Variants in GRIN2A observed in about 807,000 individuals in gnomAD.
GRIN2A encodes the protein glutamate receptor ionotropic, NMDA 2A.
In GRIN2A, 22 loss-of-function variants were observed where a neutral mutation model predicts 113.4. That is an observed-to-expected ratio of 0.19 (90% CI 0.14 to 0.28). The LOEUF (loss-of-function observed/expected upper bound fraction) is 0.28, where lower values mean the gene tolerates loss of function less well. Ranked by LOEUF, GRIN2A falls within the 10% of genes least tolerant of loss-of-function variation. The pLI is 1.00. For missense variants in GRIN2A, 1,502 were observed against 1,887.0 expected, an observed-to-expected ratio of 0.80 and a Z score of 3.78; for synonymous variants, 827 against 738.4, an observed-to-expected ratio of 1.12 and a Z score of -1.94.
At chr16:9,909,957 C>G (rs866795930) in intron 3 of GRIN2A, among the ~76,000 whole-genome samples, 11 of 152,328 alleles carry the variant, frequency 7.2e-5, no homozygotes, top group Middle Eastern at 3.4e-3. Context: ...TAAACGGAAT[C>G]ATACACTATG....
intron 3 of GRIN2A, among the ~76,000 whole-genome samples, chr16:9,921,386 C>G (rs1259830794): frequency 6.6e-6 from 1 of 152,138 alleles, no homozygotes; most frequent in African/African-American, 2.4e-5. Flanking sequence ...ACAACTGACC[C>G]CTTTTCTTTC....
At chr16:10,078,965 T>C (rs13330710) in intron 2 of GRIN2A, among the ~76,000 whole-genome samples, 2,279 of 152,326 alleles carry the variant, frequency 0.015, 70 homozygotes, top group African/African-American at 0.052. Context: ...GCCATGATCA[T>C]GACAGTGACA....
chr16:10,044,018 T>G (rs1453035551), intron 2 of GRIN2A, among the ~76,000 whole-genome samples: 4 of 121,410 alleles, frequency 3.3e-5, no homozygotes, highest in African/African-American at 1.3e-4. Context: ...TATATATATA[T>G]ATATAGAGAG....
intron 2 of GRIN2A, among the ~76,000 whole-genome samples, chr16:9,942,286 C>T (rs2044899745): frequency 6.6e-6 from 1 of 152,118 alleles, no homozygotes; most frequent in East Asian, 1.9e-4. Flanking sequence ...CCTAGCCTAC[C>T]CATCTATGTG....
intron 2 of GRIN2A, among the ~76,000 whole-genome samples, chr16:9,991,493 C>T (rs2046111666): frequency 6.6e-6 from 1 of 152,168 alleles, no homozygotes; most frequent in African/African-American, 2.4e-5. Context: ...TTTAGTGTAG[C>T]TGTCACTCAA....
intron 2 of GRIN2A, among the ~76,000 whole-genome samples, chr16:10,075,119 A>T (rs1048518084): frequency 6.6e-6 from 1 of 152,096 alleles, no homozygotes; most frequent in Non-Finnish European, 1.5e-5. Context: ...GGGACTTTGC[A>T]TGGGTCCTCT....
intron 2 of GRIN2A, among the ~76,000 whole-genome samples, chr16:9,966,571 C>G (rs570791778): frequency 1.3e-5 from 2 of 152,134 alleles, no homozygotes; most frequent in Non-Finnish European, 2.9e-5. Flanking sequence ...TGTGAACAGT[C>G]CTGCAAGAAC....
intron 2 of GRIN2A, among the ~76,000 whole-genome samples, chr16:10,008,493 A>G (rs1471659571): frequency 1.3e-5 from 2 of 152,178 alleles, no homozygotes; most frequent in Non-Finnish European, 2.9e-5. Flanking sequence ...CAACAATAAC[A>G]ATCAAAGGAC....
chr16:9,954,893 T>C (rs2141683828), intron 2 of GRIN2A, among the ~76,000 whole-genome samples: 1 of 152,264 alleles, frequency 6.6e-6, no homozygotes, highest in East Asian at 1.9e-4. Context: ...GTCCTTTATG[T>C]TCATTATGTT....
intron 2 of GRIN2A, among the ~76,000 whole-genome samples, chr16:10,046,117 G>A (rs2047253073): frequency 6.6e-6 from 1 of 152,154 alleles, no homozygotes; most frequent in African/African-American, 2.4e-5. Context: ...GCCTTAGCCA[G>A]TGATGGTTTT....
At chr16:10,017,438 C>T (rs2046632159) in intron 2 of GRIN2A, among the ~76,000 whole-genome samples, 1 of 152,070 alleles carries the variant, frequency 6.6e-6, no homozygotes, top group African/African-American at 2.4e-5. Flanking sequence ...TTACAGTAGA[C>T]TGAGTGCATG....
At chr16:9,901,133 T>C (rs9925170) in intron 3 of GRIN2A, among the ~76,000 whole-genome samples, 48,737 of 152,170 alleles carry the variant, frequency 0.32, 9,721 homozygotes, top group African/African-American at 0.57. Context: ...TTTTTCCTTC[T>C]GCTGCTTTTT....
In GRIN2A at chr16:9,784,043, G is replaced by A. The variant is rs190989482; in HGVS notation, c.2356+14234C>T. ...GTACTGGGCTTAATACCTGGGTGAT[G>A]AAATAATCTGTACAACAAACCCCCA... On this transcript the variant is annotated intron_variant, in intron 11 of 12. Coordinates refer to ENST00000330684, the MANE Select transcript of GRIN2A (RefSeq NM_001134407.3). Among the ~76,000 whole-genome samples, 344 of 152,248 alleles carry A rather than the reference G, an allele frequency of 2.3e-3. 3 individuals carry two copies. The highest frequency in any genetic ancestry group is 7.6e-3 in the African/African-American group (317 of 41,532).
chr16:9,791,387 TG>T (rs1902596056), intron 11 of GRIN2A, among the ~76,000 whole-genome samples: 1 of 152,166 alleles, frequency 6.6e-6, no homozygotes, highest in South Asian at 2.1e-4. Context: ...TTCTGGATGC[TG>T]TAGAAAGTTG....
chr16:9,825,389 T>A (rs371732308), intron 9 of GRIN2A, among the ~76,000 whole-genome samples: 2 of 152,184 alleles, frequency 1.3e-5, no homozygotes, highest in South Asian at 2.1e-4. Flanking sequence ...TCCTTACAGT[T>A]TGGAGAACAG....
chr16:10,153,909 C>T (rs1249748543), intron 2 of GRIN2A, among the ~76,000 whole-genome samples: 6 of 152,184 alleles, frequency 3.9e-5, no homozygotes, highest in East Asian at 1.9e-4. Context: ...TCGGGGTCTT[C>T]GCAAGTGCTG....
intron 2 of GRIN2A, among the ~76,000 whole-genome samples, chr16:10,041,786 C>T (rs1194093800): frequency 6.6e-6 from 1 of 152,200 alleles, no homozygotes; most frequent in Non-Finnish European, 1.5e-5. Flanking sequence ...ATAAATCCAA[C>T]CTACTCCGCT....
At chr16:10,170,499 C>T (rs2050019709) in intron 2 of GRIN2A, among the ~76,000 whole-genome samples, 1 of 152,196 alleles carries the variant, frequency 6.6e-6, no homozygotes, top group Non-Finnish European at 1.5e-5. Context: ...AATCTCATCA[C>T]ACAATAAATG....
intron 2 of GRIN2A, among the ~76,000 whole-genome samples, chr16:10,124,419 C>A (rs2048889243): frequency 6.6e-6 from 1 of 152,126 alleles, no homozygotes. Context: ...AAAATCCTAT[C>A]CTCCCAAGAG....
Sources: gnomAD v4.1 joint callset for allele counts (sites outside exome capture counted in the v4.1 genomes callset) on GRCh38, gnomAD v4.1.1 for gene constraint, MANE v1.5 for transcripts, NCBI Gene and HGNC (gene_info 2026-07-23, HGNC 2026-07-21) for gene names.